The following FAM111B variants were observed in gnomAD, a reference collection of about 807,000 sequenced individuals.
The protein encoded by FAM111B is FAM111 trypsin like peptidase B, also known as serine protease FAM111B.
FAM111B carries 1 observed loss-of-function variant against 2.8 expected under a neutral mutation model. The ratio of observed to expected loss-of-function variants is 0.36; its 90% confidence interval spans 0.13 to 1.70. The LOEUF is 1.70. Ranked by LOEUF, FAM111B falls within the 40% of genes most tolerant of loss-of-function variation. FAM111B has a pLI of 0.35. For synonymous variants in FAM111B, 297 were observed against 295.6 expected (o/e 1.00, Z -0.05); for missense variants, 882 against 878.9 (o/e 1.00, Z -0.04).
chr11:59,121,510 G>C (rs1859921204), intron 3 of FAM111B, among the ~76,000 whole-genome samples: 1 of 152,082 alleles, frequency 6.6e-6, no homozygotes, highest in Non-Finnish European at 1.5e-5. Context: ...GTGCAAGGTG[G>C]TACAACCATT....
At chr11:59,122,852 C>T (rs1012825630) in intron 3 of FAM111B, among the ~76,000 whole-genome samples, 3 of 152,152 alleles carry the variant, frequency 2.0e-5, no homozygotes, top group African/African-American at 7.2e-5. Flanking sequence ...AAGCTCATTC[C>T]ATTGCACCTA....
chr11:59,110,906 C>T (rs996576487), intron 3 of FAM111B, among the ~76,000 whole-genome samples: 1 of 152,088 alleles, frequency 6.6e-6, no homozygotes, highest in Non-Finnish European at 1.5e-5. Context: ...TCACAGTAGG[C>T]TTTATATCAA....
In FAM111B at chr11:59,126,290, C is replaced by T. The variant is rs775868547; in HGVS notation, c.2193C>T (p.Pro731=). The T allele has an allele frequency of 2.6e-6, 4 of 1,524,744 alleles. No homozygotes were observed. The highest frequency in any genetic ancestry group is 3.5e-6 in the Non-Finnish European group (4 of 1,140,868). 94.5% of individuals were successfully genotyped at this position (1,524,744 alleles called of 1,614,324 possible). A position where few individuals can be genotyped will look rare whatever the true frequency, so the allele number is the denominator to read the frequency against. The part of the protein sequence containing the change: ...ESSLQDHQIE[P]MEC ...CACTTCAAGATCATCAGATTGAACC[C>T]ATGGAATGTTAGAAAAGAGATGCTG... Residue 731 remains proline, a synonymous_variant, in exon 4 of 4, where the codon CCC becomes CCT. Coordinates refer to ENST00000343597, the MANE Select transcript of FAM111B (RefSeq NM_198947.4).
intron 1 of FAM111B, among the ~76,000 whole-genome samples, chr11:59,108,372 C>G (rs552226385): frequency 6.6e-6 from 1 of 152,276 alleles, no homozygotes; most frequent in South Asian, 2.1e-4. Flanking sequence ...TTAGGGGAAC[C>G]CTCTTCATAT....
At chr11:59,108,320 G>T (rs1256438014) in intron 1 of FAM111B, among the ~76,000 whole-genome samples, 12 of 152,208 alleles carry the variant, frequency 7.9e-5, no homozygotes, top group African/African-American at 2.9e-4. Context: ...GCCTTGGAAA[G>T]TTTTCTCAGC....
chr11:59,122,534 G>T (rs1388903023), intron 3 of FAM111B, among the ~76,000 whole-genome samples: 1 of 152,170 alleles, frequency 6.6e-6, no homozygotes, highest in African/African-American at 2.4e-5. Context: ...GAGAGGTAAA[G>T]GAAGAAGCTG....
chr11:59,122,219 A>G (rs1196973085), intron 3 of FAM111B, among the ~76,000 whole-genome samples: 1 of 152,254 alleles, frequency 6.6e-6, no homozygotes, highest in Non-Finnish European at 1.5e-5. Flanking sequence ...ATCTGTTTAT[A>G]TAAAATCAAA....
chr11:59,119,657 C>T (rs58066452), intron 3 of FAM111B, among the ~76,000 whole-genome samples: 10 of 152,100 alleles, frequency 6.6e-5, no homozygotes, highest in African/African-American at 2.4e-4. Context: ...TATAAACATA[C>T]CAGAAGTTTT....
intron 3 of FAM111B, among the ~76,000 whole-genome samples, chr11:59,119,794 AG>A (rs1859893499): frequency 1.3e-5 from 2 of 152,220 alleles, no homozygotes; most frequent in Non-Finnish European, 2.9e-5. Flanking sequence ...GCCTTTATTT[AG>A]CTGGTAAATA....
chr11:59,113,861 G>A (rs1382890204), intron 3 of FAM111B, among the ~76,000 whole-genome samples: 3 of 152,194 alleles, frequency 2.0e-5, no homozygotes, highest in Non-Finnish European at 4.4e-5. Flanking sequence ...AAAACAGAGG[G>A]GAGGCATTTG....
At chr11:59,123,501 C>T (rs915694678) in intron 3 of FAM111B, among the ~76,000 whole-genome samples, 1 of 152,088 alleles carries the variant, frequency 6.6e-6, no homozygotes, top group African/African-American at 2.4e-5. Context: ...ATTTCCACTC[C>T]TGGGAATATG....
rs544897741 is a variant in FAM111B at position 59,122,502 on chromosome 11, G to C, written c.82-1677G>C. Among the ~76,000 whole-genome samples, 18 of 152,284 alleles carry C rather than the reference G, an allele frequency of 1.2e-4. No homozygotes were observed. The South Asian group carries it at 3.7e-3, about 32-fold the overall frequency. On this transcript the variant is annotated intron_variant, in intron 3 of 3. Transcript: ENST00000343597. ...TTTTGCATGCATAATATGTTTTACA[G>C]TTTTTTAAAAACACAGTATATGAGA...
At chr11:59,115,115 G>A (rs1239252959) in intron 3 of FAM111B, among the ~76,000 whole-genome samples, 1 of 152,162 alleles carries the variant, frequency 6.6e-6, no homozygotes, top group Non-Finnish European at 1.5e-5. Flanking sequence ...ATTCTCTAAG[G>A]AACATGCCTG....
chr11:59,107,994 A>G (rs1359236461), intron 1 of FAM111B, among the ~76,000 whole-genome samples: 1 of 152,218 alleles, frequency 6.6e-6, no homozygotes, highest in African/African-American at 2.4e-5. Context: ...TTAGGAAAGC[A>G]TTGAGGTCAT....
chr11:59,123,070 C>G (rs1859948539), intron 3 of FAM111B, among the ~76,000 whole-genome samples: 1 of 152,140 alleles, frequency 6.6e-6, no homozygotes, highest in African/African-American at 2.4e-5. Context: ...TGGGCTACTA[C>G]CAACTGATTG....
intron 3 of FAM111B, among the ~76,000 whole-genome samples, chr11:59,120,130 T>C (rs986229294): frequency 6.6e-6 from 1 of 152,222 alleles, no homozygotes; most frequent in African/African-American, 2.4e-5. Context: ...TAACCATTTA[T>C]GGAGAAAATT....
rs1473212745 is a variant in FAM111B at position 59,124,574 on chromosome 11, A to C, written c.477A>C (p.Thr159=). Residue 159 remains threonine, a synonymous_variant, in exon 4 of 4, where the codon ACA becomes ACC. Coordinates refer to ENST00000343597, the MANE Select transcript of FAM111B (RefSeq NM_198947.4). ...CLPSDSHFKI[T]FGQRKSSKED... is the part of the protein sequence containing the mutation. ...CTAGTGATTCTCATTTTAAAATTACATTTGGTCAAAGAAAGAGTAGCAAAG... is the reference window on the plus strand; with the variant it reads ...CTAGTGATTCTCATTTTAAAATTACCTTTGGTCAAAGAAAGAGTAGCAAAG... 11 of 1,613,576 alleles carry C rather than the reference A, an allele frequency of 6.8e-6. No homozygotes were observed. The highest frequency in any genetic ancestry group is 8.5e-6 in the Non-Finnish European group (10 of 1,179,732).
chr11:59,113,978 T>A (rs953905187), intron 3 of FAM111B, among the ~76,000 whole-genome samples: 2 of 152,194 alleles, frequency 1.3e-5, no homozygotes, highest in African/African-American at 2.4e-5. Context: ...CTTGTGAACC[T>A]TACATTTTAA....
intron 3 of FAM111B, among the ~76,000 whole-genome samples, chr11:59,121,054 C>T (rs536931882): frequency 4.9e-4 from 71 of 146,250 alleles, no homozygotes; most frequent in Non-Finnish European, 7.0e-4. Flanking sequence ...GTAAAAGCAA[C>T]CTTTACAATT....
Sources: gnomAD v4.1 joint callset for allele counts (sites outside exome capture counted in the v4.1 genomes callset) on GRCh38, gnomAD v4.1.1 for gene constraint, MANE v1.5 for transcripts, NCBI Gene and HGNC (gene_info 2026-07-23, HGNC 2026-07-21) for gene names.